Variants in CNRIP1 observed in about 807,000 individuals in gnomAD.
CNRIP1 encodes the protein cannabinoid receptor interacting protein 1, also known as CB1 cannabinoid receptor-interacting protein 1.
Under a neutral mutation model 15.2 loss-of-function variants are expected in CNRIP1, and 10 were observed. That is an observed-to-expected ratio of 0.66 (90% CI 0.41 to 1.12). The LOEUF (loss-of-function observed/expected upper bound fraction) is 1.12, where lower values mean the gene tolerates loss of function less well. CNRIP1 is among the 50% of genes most tolerant of loss of function. The pLI is 0.00. For missense variants in CNRIP1, 211 were observed against 214.7 expected (o/e 0.98, Z 0.11); for synonymous variants, 91 against 83.2 (o/e 1.09, Z -0.51).
intron 2 of CNRIP1, among the ~76,000 whole-genome samples, chr2:68,296,439 T>C (rs923729245): frequency 6.6e-6 from 1 of 151,904 alleles, no homozygotes. Flanking sequence ...ACTGTGAGAC[T>C]GAGATAGGAG....
chr2:68,291,037 G>A (rs1671155859), downstream of CNRIP1, among the ~76,000 whole-genome samples: 1 of 152,210 alleles, frequency 6.6e-6, no homozygotes, highest in Non-Finnish European at 1.5e-5. Context: ...CAACTCAGCA[G>A]CTCGATATAG....
rs537752148 is a variant in CNRIP1 at position 68,303,064 on chromosome 2, G to A, written c.331-9038C>T. ...GGGTTTCACTGTGTTAGCCAGGATGGTCTCGATCTCCTGACTTCGTGATCC... is the reference window on the plus strand; with the variant it reads ...GGGTTTCACTGTGTTAGCCAGGATGATCTCGATCTCCTGACTTCGTGATCC... On this transcript the variant is annotated intron_variant, in intron 2 of 2. Transcript: ENST00000263655. 1.4e-4 allele frequency among the ~76,000 whole-genome samples: 21 copies of A among 151,358 alleles called. No individual in the cohort carries two copies. In the South Asian group the frequency reaches 1.9e-3, roughly 14 times the overall value.
intron 2 of CNRIP1, among the ~76,000 whole-genome samples, chr2:68,309,349 G>A (rs1304047667): frequency 6.6e-6 from 1 of 152,184 alleles, no homozygotes; most frequent in Non-Finnish European, 1.5e-5. Context: ...GTGCTAAATT[G>A]AGAATTCAAG....
intron 2 of CNRIP1, among the ~76,000 whole-genome samples, chr2:68,297,094 T>G (rs1671395551): frequency 1.3e-5 from 2 of 152,138 alleles, no homozygotes; most frequent in African/African-American, 4.8e-5. Flanking sequence ...TTATTTGTAT[T>G]TTCAAAATTT....
chr2:68,289,244 A>C (rs1671103586), downstream of CNRIP1, among the ~76,000 whole-genome samples: 2 of 152,224 alleles, frequency 1.3e-5, no homozygotes, highest in Admixed American at 1.3e-4. Context: ...TAGGAAACTT[A>C]AGATGGCTGT....
chr2:68,312,363 T>C (rs973003488), intron 2 of CNRIP1, among the ~76,000 whole-genome samples: 1 of 152,108 alleles, frequency 6.6e-6, no homozygotes, highest in Non-Finnish European at 1.5e-5. Flanking sequence ...AAACACCTTA[T>C]GATCATTTCA....
rs1309523661 is a variant in CNRIP1, at chr2:68,293,250, AG to A, written c.*611del. On this transcript the variant is annotated 3_prime_UTR_variant, in exon 3 of 3. Transcript: ENST00000263655. ...CACAATACCTTAAGCTACTTAAAAG[AG>A]TTTTAATACGTTATAAATACGTACA... 1 of 985,458 alleles carries A rather than the reference AG, an allele frequency of 1.0e-6. No homozygotes were observed. The highest frequency in any genetic ancestry group is 1.2e-6 in the Non-Finnish European group (1 of 830,034). The allele number at this position is 985,458 out of a possible 1,614,324, so 61.0% of individuals were successfully genotyped here.
chr2:68,302,972 C>G (rs1473913137), intron 2 of CNRIP1, among the ~76,000 whole-genome samples: 1 of 151,692 alleles, frequency 6.6e-6, no homozygotes, highest in Non-Finnish European at 1.5e-5. Flanking sequence ...CTCAGCCTCC[C>G]GAGTAGCTGG....
chr2:68,319,621 G>A lies in CNRIP1; in HGVS notation c.-221C>T. The A allele has an allele frequency of 2.0e-6, 1 of 509,472 alleles. No individual in the cohort carries two copies. Among genetic ancestry groups the A allele is most frequent in the Non-Finnish European group, 3.4e-6 (1 of 292,368 alleles). The allele number at this position is 509,472 out of a possible 1,614,324, so 31.6% of individuals were successfully genotyped here. A position where few individuals can be genotyped will look rare whatever the true frequency, so the allele number is the denominator to read the frequency against. On this transcript the variant is annotated 5_prime_UTR_variant, in exon 1 of 3. Transcript: ENST00000263655. ...GCCCCCCTCCCCACTCGGCGAGGAAGCGGGCCCAAGAGACGGCTCCAAGGC... is the reference window on the plus strand; with the variant it reads ...GCCCCCCTCCCCACTCGGCGAGGAAACGGGCCCAAGAGACGGCTCCAAGGC...
chr2:68,303,201 A>C (rs1671685871), intron 2 of CNRIP1, among the ~76,000 whole-genome samples: 1 of 152,216 alleles, frequency 6.6e-6, no homozygotes, highest in Non-Finnish European at 1.5e-5. Context: ...AAGACTCAAA[A>C]GACAATAATA....
intron 1 of CNRIP1, among the ~76,000 whole-genome samples, chr2:68,318,012 TAA>T (rs78781299): frequency 6.7e-5 from 9 of 135,270 alleles, no homozygotes; most frequent in African/African-American, 1.6e-4. Flanking sequence ...AGGAATACTC[TAA>T]AAAAAAAAAA....
intron 2 of CNRIP1, among the ~76,000 whole-genome samples, chr2:68,310,775 A>G (rs1056378087): frequency 3.3e-5 from 5 of 152,076 alleles, no homozygotes; most frequent in African/African-American, 1.2e-4. Context: ...TGGATTTATT[A>G]ACTACTTCAA....
At chr2:68,301,858 C>T (rs1456796892) in intron 2 of CNRIP1, among the ~76,000 whole-genome samples, 5 of 142,520 alleles carry the variant, frequency 3.5e-5, no homozygotes, top group Admixed American at 1.4e-4. Flanking sequence ...CGCCACTGCA[C>T]TCCAGAGCCT....
At chr2:68,309,657 A>G (rs907703643) in intron 2 of CNRIP1, among the ~76,000 whole-genome samples, 1 of 152,286 alleles carries the variant, frequency 6.6e-6, no homozygotes, top group South Asian at 2.1e-4. Context: ...CAACCCCTTG[A>G]AAGACTGGCA....
At chr2:68,296,864 C>A (rs1671382720) in intron 2 of CNRIP1, among the ~76,000 whole-genome samples, 1 of 152,114 alleles carries the variant, frequency 6.6e-6, no homozygotes, top group Admixed American at 6.5e-5. Context: ...TGGTCTTGAA[C>A]TCCTGACCTC....
At chr2:68,300,763 G>A (rs1671576227) in intron 2 of CNRIP1, among the ~76,000 whole-genome samples, 1 of 151,962 alleles carries the variant, frequency 6.6e-6, no homozygotes, top group Non-Finnish European at 1.5e-5. Flanking sequence ...AACTGAGCAA[G>A]AAAAAATACA....
chr2:68,291,373 T>G (rs1671164349), downstream of CNRIP1, among the ~76,000 whole-genome samples: 1 of 152,016 alleles, frequency 6.6e-6, no homozygotes, highest in South Asian at 2.1e-4. Flanking sequence ...AGTCTAACCC[T>G]TCATTTTAGA....
At chr2:68,305,395 C>T (rs1671795834) in intron 2 of CNRIP1, among the ~76,000 whole-genome samples, 1 of 150,130 alleles carries the variant, frequency 6.7e-6, no homozygotes, top group South Asian at 2.1e-4. Flanking sequence ...TTGACATGTC[C>T]AAGTAAATCC....
chr2:68,307,406 T>C (rs1671897454), intron 2 of CNRIP1, among the ~76,000 whole-genome samples: 1 of 152,180 alleles, frequency 6.6e-6, no homozygotes, highest in Non-Finnish European at 1.5e-5. Flanking sequence ...ACTGCAGCCT[T>C]GAATGCCTGG....
Sources: allele counts gnomAD v4.1 joint callset (sites outside exome capture counted in the v4.1 genomes callset), GRCh38; gene constraint gnomAD v4.1.1; transcripts MANE v1.5; gene names NCBI Gene and HGNC (gene_info 2026-07-23, HGNC 2026-07-21).